ATP10B: variants seen among roughly 807,000 people sequenced by gnomAD.
ATP10B encodes phospholipid-transporting ATPase VB.
Under a neutral mutation model 141.2 loss-of-function variants are expected in ATP10B, and 122 were observed. The observed-to-expected ratio is 0.86, with a 90% CI of 0.75 to 1.00. ATP10B has a LOEUF of 1.00. ATP10B is among the 50% of genes least tolerant of loss of function. The probability of loss-of-function intolerance (pLI) is 0.00; values close to 1 mark genes in which losing one functional copy is unlikely to be tolerated. For synonymous variants in ATP10B, 685 were observed against 692.0 expected, an observed-to-expected ratio of 0.99 and a Z score of 0.16; for missense variants, 1,876 against 1,825.3, an observed-to-expected ratio of 1.03 and a Z score of -0.51.
chr5:160,833,845 A>T (rs900351392), intron 1 of ATP10B, among the ~76,000 whole-genome samples: 1 of 152,178 alleles, frequency 6.6e-6, no homozygotes, highest in Non-Finnish European at 1.5e-5. Context: ...TTAAAAGCAT[A>T]TTTCCAAATG....
chr5:160,745,001 T>C (rs1767707194), intron 2 of ATP10B, among the ~76,000 whole-genome samples: 1 of 152,232 alleles, frequency 6.6e-6, no homozygotes, highest in Non-Finnish European at 1.5e-5. Flanking sequence ...CTGAGCTCTG[T>C]AGCCCTGAAC....
intron 3 of ATP10B, among the ~76,000 whole-genome samples, chr5:160,690,721 G>C (rs1461084969): frequency 6.6e-6 from 1 of 152,202 alleles, no homozygotes; most frequent in Middle Eastern, 3.2e-3. Context: ...TACTGGAGAG[G>C]ATATGGAGTA....
At chr5:160,817,819 G>C (rs550288086) in intron 1 of ATP10B, among the ~76,000 whole-genome samples, 2 of 152,266 alleles carry the variant, frequency 1.3e-5, no homozygotes, top group African/African-American at 2.4e-5. Context: ...CAATGGAACA[G>C]AACAGAGCCC....
chr5:160,670,354 G>GC, intron 7 of ATP10B, 109 bp downstream of exon 7: 1 of 977,598 alleles, frequency 1.0e-6, no homozygotes, highest in East Asian at 2.4e-5. Flanking sequence ...GGAAAAGGAG[G>GC]CATCTACTAC....
At chr5:160,837,433 A>G (rs980792662) in intron 1 of ATP10B, among the ~76,000 whole-genome samples, 5 of 152,192 alleles carry the variant, frequency 3.3e-5, no homozygotes, top group Non-Finnish European at 5.9e-5. Context: ...TGAAATGAGT[A>G]ATTTCTGAAA....
the ATP10B span, among the ~76,000 whole-genome samples, chr5:160,868,664 G>A: frequency 6.6e-6 from 1 of 151,804 alleles, no homozygotes; most frequent in African/African-American, 2.4e-5. Flanking sequence ...TCAATAGCAT[G>A]ATGCTACCCC....
intron 7 of ATP10B, among the ~76,000 whole-genome samples, chr5:160,655,326 C>G (rs1195225320): frequency 2.6e-5 from 4 of 151,690 alleles, no homozygotes; most frequent in Non-Finnish European, 4.4e-5. Flanking sequence ...GAAGCTCACT[C>G]TAATCCCCAT....
At chr5:160,734,752 T>C (rs941361628) in intron 2 of ATP10B, among the ~76,000 whole-genome samples, 2 of 152,014 alleles carry the variant, frequency 1.3e-5, no homozygotes, top group East Asian at 1.9e-4. Flanking sequence ...AATAACAAAA[T>C]AGTAGACTAA....
intron 6 of ATP10B, among the ~76,000 whole-genome samples, chr5:160,671,201 A>G (rs540861790): frequency 6.6e-6 from 1 of 151,236 alleles, no homozygotes; most frequent in African/African-American, 2.4e-5. Flanking sequence ...AACCCAAACC[A>G]AAACAAAATC....
chr5:160,639,523 G>C lies in ATP10B; in HGVS notation c.1000+938C>G, dbSNP rs370562432. On this transcript the variant is annotated intron_variant, in intron 10 of 25. Coordinates refer to ENST00000327245, the MANE Select transcript of ATP10B (RefSeq NM_025153.3). ...GGCAGAGATTGGGGTGGTGCACTCTGAAGACTGAGGAAGGAACCACAGACT... is the reference window on the plus strand; with the variant it reads ...GGCAGAGATTGGGGTGGTGCACTCTCAAGACTGAGGAAGGAACCACAGACT... 1.4e-4 allele frequency among the ~76,000 whole-genome samples: 22 copies of C among 152,306 alleles called. No homozygotes were observed. In the South Asian group the frequency reaches 4.2e-3, roughly 29 times the overall value.
chr5:160,902,176 T>C, the ATP10B span, among the ~76,000 whole-genome samples: 1 of 152,234 alleles, frequency 6.6e-6, no homozygotes, highest in African/African-American at 2.4e-5. Context: ...GGTAGTTTTA[T>C]AGAAGTCACT....
chr5:160,801,962 T>G (rs538142928), intron 1 of ATP10B, among the ~76,000 whole-genome samples: 1 of 152,224 alleles, frequency 6.6e-6, no homozygotes, highest in Non-Finnish European at 1.5e-5. Context: ...CAAGAAATAT[T>G]TATCGGATGC....
intron 2 of ATP10B, among the ~76,000 whole-genome samples, chr5:160,718,151 C>A (rs1765769013): frequency 6.6e-6 from 1 of 152,222 alleles, no homozygotes. Context: ...CAGCAATGTA[C>A]TTGAGGTAGA....
At chr5:160,698,059 G>C (rs548241865) in intron 3 of ATP10B, among the ~76,000 whole-genome samples, 1 of 152,212 alleles carries the variant, frequency 6.6e-6, no homozygotes, top group Non-Finnish European at 1.5e-5. Flanking sequence ...CTCCAATTTG[G>C]TGTATTTGGA....
At position 160,634,570 on chromosome 5, in the gene ATP10B, G is replaced by C. The variant is rs1008944221; in HGVS notation, c.1165C>G (p.Leu389Val). The C allele has an allele frequency of 1.2e-6, 2 of 1,613,822 alleles. No individual in the cohort carries two copies. The highest frequency in any genetic ancestry group is 2.2e-5 in the East Asian group (1 of 44,882). Residue 389 changes from leucine to valine, a missense_variant, in exon 12 of 26, where the codon CTG (leucine) becomes GTG (valine). Coordinates refer to ENST00000327245, the MANE Select transcript of ATP10B (RefSeq NM_025153.3). ...IPISLYVSIE[L>V]VKLGQVFFLS... ...AAGAACACTTGCCCGAGCTTCACCA[G>C]CTCAATGGAGACATACAAAGAGATG...
At chr5:160,854,693 G>T (rs1021956269), upstream of ATP10B, among the ~76,000 whole-genome samples, 1 of 152,110 alleles carries the variant, frequency 6.6e-6, no homozygotes, top group Non-Finnish European at 1.5e-5. Context: ...TAATGGGATT[G>T]CTGGGTCAAA....
intron 2 of ATP10B, among the ~76,000 whole-genome samples, chr5:160,783,926 T>C (rs1286566378): frequency 6.6e-6 from 1 of 152,102 alleles, no homozygotes; most frequent in Non-Finnish European, 1.5e-5. Context: ...TTATGGCCAT[T>C]CTTGCAGAAG....
At chr5:160,882,277 G>A in the ATP10B span, among the ~76,000 whole-genome samples, 1 of 152,282 alleles carries the variant, frequency 6.6e-6, no homozygotes, top group East Asian at 1.9e-4. Context: ...AGACGTGTCA[G>A]TGTAGATTCT....
intron 19 of ATP10B, among the ~76,000 whole-genome samples, chr5:160,605,105 G>C (rs764490117): frequency 2.0e-5 from 3 of 152,190 alleles, no homozygotes; most frequent in Middle Eastern, 3.2e-3. Flanking sequence ...GATTCAGCCT[G>C]CAGGCCATAG....
Sources: allele counts gnomAD v4.1 joint callset (sites outside exome capture counted in the v4.1 genomes callset), GRCh38; gene constraint gnomAD v4.1.1; transcripts MANE v1.5; gene names NCBI Gene and HGNC (gene_info 2026-07-23, HGNC 2026-07-21).